CLIC5: variants seen among roughly 807,000 people sequenced by gnomAD.
CLIC5 encodes the protein CLIC family member 5.
A neutral mutation model predicts 24.7 loss-of-function variants in CLIC5; 20 were observed. That is an observed-to-expected ratio of 0.81 (90% confidence interval 0.57 to 1.18). The LOEUF is 1.18. Among genes scored for constraint, CLIC5 ranks in the 50% most tolerant of loss-of-function variants. The pLI is 0.00. For missense variants in CLIC5, 341 were observed against 326.1 expected, an observed-to-expected ratio of 1.05 and a Z score of -0.35; for synonymous variants, 159 against 135.6, an observed-to-expected ratio of 1.17 and a Z score of -1.20.
At chr6:46,061,738 A>T (rs1469501653) in intron 1 of CLIC5, among the ~76,000 whole-genome samples, 1 of 152,176 alleles carries the variant, frequency 6.6e-6, no homozygotes, top group Admixed American at 6.5e-5. Context: ...AATAGTTATC[A>T]TTTCAAACCA....
intron 1 of CLIC5, among the ~76,000 whole-genome samples, chr6:45,995,001 A>T (rs545406188): frequency 5.3e-5 from 8 of 152,340 alleles, no homozygotes; most frequent in South Asian, 2.1e-4. Flanking sequence ...ATTCAAGCCT[A>T]TTATAGTGTC....
chr6:45,941,720 C>A (rs771220484), intron 3 of CLIC5, 67 bp from the exon 4 acceptor site: 28 of 1,185,532 alleles, frequency 2.4e-5, no homozygotes, highest in Non-Finnish European at 3.5e-5. Flanking sequence ...TGAGCCTATC[C>A]CTATCATGAT....
At chr6:46,060,632 C>G (rs749451928) in intron 1 of CLIC5, among the ~76,000 whole-genome samples, 61 of 152,112 alleles carry the variant, frequency 4.0e-4, no homozygotes, top group Non-Finnish European at 6.9e-4. Context: ...TATGCTAAAC[C>G]TCCTCTTAAA....
chr6:46,101,840 T>G, the CLIC5 span, among the ~76,000 whole-genome samples: 1 of 152,344 alleles, frequency 6.6e-6, no homozygotes, highest in South Asian at 2.1e-4. Flanking sequence ...AAGTCCTTTT[T>G]GACTTTTTCT....
chr6:46,024,416 A>G (rs1157556774), intron 1 of CLIC5, among the ~76,000 whole-genome samples: 2 of 152,182 alleles, frequency 1.3e-5, no homozygotes, highest in Non-Finnish European at 2.9e-5. Flanking sequence ...TTTCTCAGAA[A>G]TTTAGAAGAC....
the CLIC5 span, among the ~76,000 whole-genome samples, chr6:46,099,286 C>T: frequency 6.6e-6 from 1 of 152,180 alleles, no homozygotes; most frequent in Admixed American, 6.5e-5. Flanking sequence ...GAAAAATTAC[C>T]AGACCGAGTT....
chr6:46,119,838 A>G, the CLIC5 span, among the ~76,000 whole-genome samples: 1 of 152,202 alleles, frequency 6.6e-6, no homozygotes, highest in Non-Finnish European at 1.5e-5. Context: ...ACTCATTGCT[A>G]GCACAGCAGT....
At chr6:45,994,414 C>T (rs554143956) in intron 1 of CLIC5, among the ~76,000 whole-genome samples, 1 of 152,198 alleles carries the variant, frequency 6.6e-6, no homozygotes, top group South Asian at 2.1e-4. Flanking sequence ...ACCGCATGTT[C>T]TCACTCATAA....
chr6:46,047,978 C>A (rs1240460087), intron 1 of CLIC5, among the ~76,000 whole-genome samples: 2 of 149,382 alleles, frequency 1.3e-5, no homozygotes, highest in Non-Finnish European at 3.0e-5. Context: ...TTTTCATATT[C>A]TAAATAAATA....
At chr6:46,104,254 T>A in the CLIC5 span, among the ~76,000 whole-genome samples, 10 of 152,190 alleles carry the variant, frequency 6.6e-5, no homozygotes, top group Non-Finnish European at 1.3e-4. Flanking sequence ...TCCTCTTGTC[T>A]TGTTTTATGT....
intron 3 of CLIC5, among the ~76,000 whole-genome samples, chr6:45,944,508 C>T (rs1380863299): frequency 1.6e-5 from 2 of 125,336 alleles, no homozygotes; most frequent in African/African-American, 6.4e-5. Flanking sequence ...AATGCATGCA[C>T]TTAACTTTCA....
chr6:46,072,557 T>C (rs1320756470), intron 1 of CLIC5, among the ~76,000 whole-genome samples: 1 of 152,114 alleles, frequency 6.6e-6, no homozygotes. Context: ...GGGGGAAAAA[T>C]TGCAAAACAT....
chr6:45,909,106 G>C (rs75581060), intron 5 of CLIC5, among the ~76,000 whole-genome samples: 6,496 of 150,586 alleles, frequency 0.043, 199 homozygotes, highest in Middle Eastern at 0.086. Flanking sequence ...AGTGACCCCT[G>C]CTCTTTTTTA....
Position 45,899,476 on chromosome 6 carries a change from A to G in CLIC5, c.*3612T>C, listed in dbSNP as rs1762455555. 1 of 152,236 alleles carries G rather than the reference A, an allele frequency of 6.6e-6. No homozygotes were observed. The highest frequency in any genetic ancestry group is 2.4e-5 in the African/African-American group (1 of 41,452). 9.4% of individuals were successfully genotyped at this position (152,236 alleles called of 1,614,324 possible). ...ATACTCACCTGCTGCTTCTAGTTTA[A>G]TTTAATTTTAGACACACACTCTCAC... On this transcript the variant is annotated 3_prime_UTR_variant, in exon 6 of 6. Transcript: ENST00000339561.
At chr6:45,943,531 G>A (rs1019357756) in intron 3 of CLIC5, among the ~76,000 whole-genome samples, 1 of 152,212 alleles carries the variant, frequency 6.6e-6, no homozygotes, top group Admixed American at 6.5e-5. Flanking sequence ...AATCCAGCAT[G>A]CTATTAGAAT....
At chr6:46,099,292 G>A in the CLIC5 span, among the ~76,000 whole-genome samples, 2 of 152,184 alleles carry the variant, frequency 1.3e-5, no homozygotes, top group East Asian at 1.9e-4. Context: ...TTACCAGACC[G>A]AGTTTTCAGG....
intron 3 of CLIC5, among the ~76,000 whole-genome samples, chr6:45,947,981 T>C (rs908383389): frequency 1.6e-4 from 25 of 152,340 alleles, no homozygotes; most frequent in African/African-American, 5.3e-4. Context: ...TGTTTAAGGC[T>C]TATTTGGAGC....
intron 1 of CLIC5, among the ~76,000 whole-genome samples, chr6:46,024,104 A>G (rs1211410492): frequency 6.6e-6 from 1 of 152,216 alleles, no homozygotes; most frequent in African/African-American, 2.4e-5. Context: ...TTGTGAGAGT[A>G]GAATGTAGAA....
At chr6:46,016,173 G>A (rs1239029326), upstream of CLIC5, among the ~76,000 whole-genome samples, 1 of 127,804 alleles carries the variant, frequency 7.8e-6, no homozygotes, top group African/African-American at 2.9e-5. Context: ...AGGGGAAAGG[G>A]GAAGGGGAAG....
Sources: gnomAD v4.1 joint callset for allele counts (sites outside exome capture counted in the v4.1 genomes callset) on GRCh38, gnomAD v4.1.1 for gene constraint, MANE v1.5 for transcripts, NCBI Gene and HGNC (gene_info 2026-07-23, HGNC 2026-07-21) for gene names.